Variants in PATJ observed in about 807,000 individuals in gnomAD.
The protein encoded by PATJ is inaD-like protein.
Under a neutral mutation model 224.9 loss-of-function variants are expected in PATJ, and 190 were observed. The observed-to-expected ratio is 0.84, with a 90% CI of 0.75 to 0.95. PATJ has a LOEUF of 0.95. Among genes scored for constraint, PATJ ranks in the 40% least tolerant of loss-of-function variants. The pLI is 0.00. For synonymous variants in PATJ, 769 were observed against 820.3 expected, an observed-to-expected ratio of 0.94 and a Z score of 1.07; for missense variants, 2,121 against 2,270.3, an observed-to-expected ratio of 0.93 and a Z score of 1.34.
intron 27 of PATJ, among the ~76,000 whole-genome samples, chr1:61,934,474 T>TGA (rs1399905240): frequency 6.6e-6 from 1 of 152,146 alleles, no homozygotes; most frequent in African/African-American, 2.4e-5. Flanking sequence ...CACAGTCTCT[T>TGA]GAGTACCTGC....
At chr1:61,959,940 T>C (rs1025192680) in intron 27 of PATJ, among the ~76,000 whole-genome samples, 3 of 151,854 alleles carry the variant, frequency 2.0e-5, no homozygotes, top group Non-Finnish European at 4.4e-5. Flanking sequence ...GGAAGATCAC[T>C]TGAGCCCAGG....
chr1:61,935,741 T>C (rs1316693513), intron 27 of PATJ, among the ~76,000 whole-genome samples: 1 of 151,900 alleles, frequency 6.6e-6, no homozygotes, highest in Non-Finnish European at 1.5e-5. Context: ...CAGTGAGCCA[T>C]GATTGTGCCA....
At position 61,795,471 on chromosome 1, in the gene PATJ, A is replaced by T; in HGVS notation, c.1173A>T (p.Glu391Asp). ...CGTATGTCTGTGCACCTTAAGGGGA[A>T]GCTTCAGGGATTTATGTGAAAAGTA... Reference protein sequence around the residue: ...VGYVGTSHTGEASGIYVKSII... With the variant: ...VGYVGTSHTGDASGIYVKSII... The change falls in exon 10 of 44, where the codon GAA becomes GAT. Residue 391 changes from glutamate (E) to aspartate (D), a missense_variant. Glu to Asp is a conservative substitution (Grantham distance 45, BLOSUM62 2). Coordinates refer to ENST00000642238, the MANE Select transcript of PATJ (RefSeq NM_001350145.3). The T allele has an allele frequency of 6.3e-7, 1 of 1,587,322 alleles. No homozygotes were observed. The highest frequency in any genetic ancestry group is 8.6e-7 in the Non-Finnish European group (1 of 1,162,334).
chr1:61,754,296 A>G (rs1557581667), intron 1 of PATJ, among the ~76,000 whole-genome samples: 1 of 152,338 alleles, frequency 6.6e-6, no homozygotes, highest in Admixed American at 6.5e-5. Context: ...AAGATTTCCT[A>G]TGACCATACC....
intron 27 of PATJ, 96 bp from the exon 28 acceptor site, chr1:61,990,072 A>T (rs3762447): frequency 0.18 from 165,016 of 936,260 alleles, 16,031 homozygotes; most frequent in Non-Finnish European, 0.2. Context: ...AAAAGGTACC[A>T]TAGTTGAGAA....
intron 41 of PATJ, among the ~76,000 whole-genome samples, chr1:62,135,338 T>C (rs1041671529): frequency 4.0e-5 from 6 of 151,090 alleles, no homozygotes; most frequent in Non-Finnish European, 5.9e-5. Context: ...GCCAACGTGG[T>C]GAAACCCCCT....
chr1:62,056,588 C>G (rs1442205558), intron 31 of PATJ, among the ~76,000 whole-genome samples: 1 of 152,058 alleles, frequency 6.6e-6, no homozygotes, highest in Non-Finnish European at 1.5e-5. Context: ...CGAGACCAAC[C>G]TGGCCAACAT....
At chr1:61,759,089 G>T (rs1645810396) in intron 1 of PATJ, among the ~76,000 whole-genome samples, 1 of 152,170 alleles carries the variant, frequency 6.6e-6, no homozygotes, top group African/African-American at 2.4e-5. Flanking sequence ...TATCATGTTT[G>T]CTAGGAAGTC....
chr1:62,062,739 C>A (rs923583954), intron 31 of PATJ, among the ~76,000 whole-genome samples: 6 of 152,016 alleles, frequency 3.9e-5, no homozygotes, highest in Non-Finnish European at 8.8e-5. Context: ...TTAAGTGATC[C>A]TCCTGCCTTG....
rs199920431 is a variant in PATJ, at chr1:62,051,031, A to T, written c.4098A>T (p.Gln1366His). ...EDGSVEVGIKQLPESESFKLA... is the reference protein window; with the variant it reads ...EDGSVEVGIKHLPESESFKLA... ...GCAGCGTCGAAGTTGGTATTAAACAATTGCCTGAAAGTGAAAGCTTCAAAC... is the reference window on the plus strand; with the variant it reads ...GCAGCGTCGAAGTTGGTATTAAACATTTGCCTGAAAGTGAAAGCTTCAAAC... The change falls in exon 31 of 44, where the codon CAA (glutamine) becomes CAT (histidine). Residue 1366 changes from glutamine to histidine, a missense_variant. By Grantham distance (24) the Gln-to-His change is conservative. Coordinates refer to ENST00000642238, the MANE Select transcript of PATJ (RefSeq NM_001350145.3). 5.1e-5 allele frequency: 83 copies of T among 1,613,516 alleles called. No homozygotes were observed. The highest frequency in any genetic ancestry group is 4.9e-5 in the Non-Finnish European group (58 of 1,179,588).
intron 6 of PATJ, among the ~76,000 whole-genome samples, chr1:61,772,585 T>A (rs1646681198): frequency 6.6e-6 from 1 of 152,248 alleles, no homozygotes; most frequent in Non-Finnish European, 1.5e-5. Flanking sequence ...AAAATAAGAC[T>A]GTCTCAGTAC....
intron 33 of PATJ, among the ~76,000 whole-genome samples, chr1:62,094,558 AACACAC>A (rs58104906): frequency 0.13 from 17,664 of 132,234 alleles, 1,214 homozygotes; most frequent in Non-Finnish European, 0.15. Context: ...ATTCTGTCTC[AACACAC>A]ACACACACAC....
At chr1:61,857,425 G>C (rs183793845) in intron 18 of PATJ, among the ~76,000 whole-genome samples, 4 of 152,328 alleles carry the variant, frequency 2.6e-5, no homozygotes, top group Non-Finnish European at 5.9e-5. Context: ...GTAAGGGGCA[G>C]AGTTGTAATG....
At chr1:62,071,547 CA>C (rs567535215) in intron 31 of PATJ, among the ~76,000 whole-genome samples, 2 of 136,718 alleles carry the variant, frequency 1.5e-5, no homozygotes, top group Non-Finnish European at 1.5e-5. Context: ...GGCTGGAGTG[CA>C]GTGGTGCAAT....
At chr1:62,136,665 CTGTGTGTG>C (rs71050202) in intron 41 of PATJ, among the ~76,000 whole-genome samples, 11 of 46,846 alleles carry the variant, frequency 2.3e-4, no homozygotes, top group Middle Eastern at 0.02. Flanking sequence ...GTGTGTGTGT[CTGTGTGTG>C]TGTGTGTGTG....
intron 27 of PATJ, among the ~76,000 whole-genome samples, chr1:61,930,562 T>A (rs1248124594): frequency 1.3e-5 from 2 of 152,034 alleles, no homozygotes; most frequent in African/African-American, 4.8e-5. Flanking sequence ...GATCCAGGGA[T>A]GAGATACACA....
intron 22 of PATJ, among the ~76,000 whole-genome samples, chr1:61,888,152 T>G (rs1669136789): frequency 6.6e-6 from 1 of 152,200 alleles, no homozygotes; most frequent in Admixed American, 6.5e-5. Flanking sequence ...TAATGTGATA[T>G]CCGGTGCAGC....
At chr1:61,972,220 A>T (rs1384208530) in intron 27 of PATJ, among the ~76,000 whole-genome samples, 1 of 152,054 alleles carries the variant, frequency 6.6e-6, no homozygotes, top group Non-Finnish European at 1.5e-5. Context: ...ACAATATTTT[A>T]AATAAATTTG....
intron 41 of PATJ, among the ~76,000 whole-genome samples, chr1:62,140,250 T>A (rs904292175): frequency 6.6e-6 from 1 of 152,114 alleles, no homozygotes; most frequent in Non-Finnish European, 1.5e-5. Context: ...TTTTTTTCAT[T>A]TCGGGGTGGA....
Sources: gnomAD v4.1 joint callset for allele counts (sites outside exome capture counted in the v4.1 genomes callset) on GRCh38, gnomAD v4.1.1 for gene constraint, MANE v1.5 for transcripts, NCBI Gene and HGNC (gene_info 2026-07-23, HGNC 2026-07-21) for gene names.